GPM6B: variants seen among roughly 807,000 people sequenced by gnomAD.
GPM6B encodes neuronal membrane glycoprotein M6-b.
A neutral mutation model predicts 27.2 loss-of-function variants in GPM6B; 4 were observed. The ratio of observed to expected loss-of-function variants is 0.15; its 90% confidence interval spans 0.07 to 0.34. GPM6B has a LOEUF of 0.34. Among genes scored for constraint, GPM6B ranks in the 10% least tolerant of loss-of-function variants. The probability of loss-of-function intolerance (pLI) is 1.00; values close to 1 mark genes in which losing one functional copy is unlikely to be tolerated. For missense variants in GPM6B, 183 were observed against 261.9 expected (o/e 0.70, Z 2.08); for synonymous variants, 124 against 103.1 (o/e 1.20, Z -1.23).
At chrX:13,824,011 T>C (rs774986885) in intron 1 of GPM6B, among the ~76,000 whole-genome samples, 34 of 112,348 alleles carry the variant, frequency 3.0e-4, no homozygotes, top group Middle Eastern at 4.6e-3. Flanking sequence ...TGCATCTGTC[T>C]GTCCCAAAGT....
chrX:13,897,077 CTG>C (rs1454582400), intron 1 of GPM6B, among the ~76,000 whole-genome samples: 1 of 112,495 alleles, frequency 8.9e-6, no homozygotes, highest in Non-Finnish European at 1.9e-5. Flanking sequence ...TAGAAAAAGT[CTG>C]TGTTTGCTTG....
At chrX:13,926,333 A>G (rs1283079885) in intron 1 of GPM6B, among the ~76,000 whole-genome samples, 3 of 108,410 alleles carry the variant, frequency 2.8e-5, no homozygotes, top group African/African-American at 1.0e-4. Context: ...GCGTGAACCC[A>G]GGAGGCGGAG....
intron 2 of GPM6B, among the ~76,000 whole-genome samples, chrX:13,798,408 G>T (rs781273436): frequency 9.1e-6 from 1 of 109,409 alleles, no homozygotes; most frequent in Non-Finnish European, 1.9e-5. Context: ...AATAAAGGGC[G>T]CTGAGGAAGA....
intron 4 of GPM6B, among the ~76,000 whole-genome samples, chrX:13,782,959 A>G (rs2048545729): frequency 9.0e-6 from 1 of 111,252 alleles, no homozygotes; most frequent in African/African-American, 3.3e-5. Flanking sequence ...TACAGCAGGT[A>G]CTGGTAAGTA....
At chrX:13,866,289 G>A (rs1322709618) in intron 1 of GPM6B, among the ~76,000 whole-genome samples, 1 of 112,310 alleles carries the variant, frequency 8.9e-6, no homozygotes, top group South Asian at 3.7e-4. Flanking sequence ...CTTGAACCTG[G>A]GAGGCGGAGG....
intron 4 of GPM6B, among the ~76,000 whole-genome samples, chrX:13,781,497 C>A (rs2048515489): frequency 8.9e-6 from 1 of 111,959 alleles, no homozygotes; most frequent in Non-Finnish European, 1.9e-5. Flanking sequence ...CCCTCTGAGG[C>A]TCATGTGAGA....
chrX:13,801,403 G>A (rs1178882149), intron 2 of GPM6B, among the ~76,000 whole-genome samples: 2 of 112,067 alleles, frequency 1.8e-5, no homozygotes, highest in African/African-American at 6.5e-5. Flanking sequence ...ACTGAGTGCC[G>A]AGCAAAGTTT....
chrX:13,860,519 C>T (rs1278307874), intron 1 of GPM6B, among the ~76,000 whole-genome samples: 2 of 107,123 alleles, frequency 1.9e-5, no homozygotes, highest in Non-Finnish European at 3.8e-5. Flanking sequence ...TCCTTATTCT[C>T]GAGGATTATC....
At chrX:13,870,731 A>G (rs764203506) in intron 1 of GPM6B, among the ~76,000 whole-genome samples, 1 of 112,040 alleles carries the variant, frequency 8.9e-6, no homozygotes, top group Non-Finnish European at 1.9e-5. Context: ...GTGTGAAGAA[A>G]AGTATAAAGT....
rs188300085 is a variant in GPM6B, at chrX:13,817,080, G to A, written c.-176C>T. ...TCCAAGATGCAAAAGTCTTGTCAGC[G>A]TCAATTTCGCTCTGCCTACTGGTCC... On this transcript the variant is annotated 5_prime_UTR_variant, in exon 1 of 8. It adds an upstream start codon to the 5' untranslated region. Coordinates refer to ENST00000316715, the MANE Select transcript of GPM6B (RefSeq NM_001001995.3). 471 of 1,018,789 alleles carry A rather than the reference G, an allele frequency of 4.6e-4. 1 individual carries two copies. The African/African-American group carries it at 7.3e-3, about 16-fold the overall frequency. The allele number at this position is 1,018,789 out of a possible 1,213,427, so 84.0% of individuals were successfully genotyped here.
intron 1 of GPM6B, among the ~76,000 whole-genome samples, chrX:13,869,865 T>C (rs1228754532): frequency 1.8e-5 from 2 of 112,114 alleles, no homozygotes; most frequent in Non-Finnish European, 3.8e-5. Context: ...ACAGAACTTA[T>C]TTGGATTTCA....
intron 1 of GPM6B, among the ~76,000 whole-genome samples, chrX:13,829,822 C>T (rs2049418014): frequency 9.1e-6 from 1 of 109,478 alleles, no homozygotes; most frequent in South Asian, 3.9e-4. Context: ...ATATTGCTAA[C>T]ACCTGGGTAC....
At chrX:13,795,400 T>C (rs937845456) in intron 2 of GPM6B, among the ~76,000 whole-genome samples, 1 of 111,722 alleles carries the variant, frequency 9.0e-6, no homozygotes, top group African/African-American at 3.3e-5. Context: ...ATTTCATAAT[T>C]ATCTGCAAAG....
chrX:13,872,980 G>A (rs985449431), intron 1 of GPM6B, among the ~76,000 whole-genome samples: 58 of 110,870 alleles, frequency 5.2e-4, no homozygotes, highest in Non-Finnish European at 2.6e-4. Flanking sequence ...GAAGAGGTGG[G>A]AATCTTCTGA....
chrX:13,921,594 T>TTC (rs1321362918), intron 1 of GPM6B, among the ~76,000 whole-genome samples: 1 of 107,217 alleles, frequency 9.3e-6, no homozygotes, highest in Non-Finnish European at 1.9e-5. Context: ...TTTTTTTTTT[T>TTC]AGACAGAGTC....
rs369556134 is a variant in GPM6B, at chrX:13,800,065, T to G, written c.181+7585A>C. 3.6e-5 allele frequency among the ~76,000 whole-genome samples: 4 copies of G among 112,177 alleles called. No homozygotes were observed. The East Asian group carries it at 1.1e-3, about 31-fold the overall frequency. ...CCTGATTAGGTTTCAAAAAATTGACTTCTGTCCTGTTAGCATTGTCTCTCT... is the reference window on the plus strand; with the variant it reads ...CCTGATTAGGTTTCAAAAAATTGACGTCTGTCCTGTTAGCATTGTCTCTCT... On this transcript the variant is annotated intron_variant, in intron 2 of 7. Coordinates refer to ENST00000316715, the MANE Select transcript of GPM6B (RefSeq NM_001001995.3).
intron 1 of GPM6B, among the ~76,000 whole-genome samples, chrX:13,932,293 C>T (rs1692267778): frequency 9.0e-6 from 1 of 111,713 alleles, no homozygotes; most frequent in Non-Finnish European, 1.9e-5. Context: ...CACCTGGACA[C>T]CCTGACCCCT....
intron 1 of GPM6B, among the ~76,000 whole-genome samples, chrX:13,858,380 G>T (rs185424029): frequency 1.3e-4 from 14 of 111,477 alleles, no homozygotes; most frequent in Non-Finnish European, 1.9e-4. Flanking sequence ...TGGTGGGGTG[G>T]GTAGGAAGTT....
chrX:13,925,721 A>G (rs1921138889), intron 1 of GPM6B, among the ~76,000 whole-genome samples: 1 of 111,407 alleles, frequency 9.0e-6, no homozygotes, highest in South Asian at 3.8e-4. Context: ...TACCATATAC[A>G]CAAATGAAAG....
Sources: allele counts gnomAD v4.1 joint callset (sites outside exome capture counted in the v4.1 genomes callset), GRCh38; gene constraint gnomAD v4.1.1; transcripts MANE v1.5; gene names NCBI Gene and HGNC (gene_info 2026-07-23, HGNC 2026-07-21).